The following AFF3 variants were observed in gnomAD, a reference collection of about 807,000 sequenced individuals.
AFF3 encodes the protein AF4/FMR2 family member 3.
In AFF3, 32 loss-of-function variants were observed where a neutral mutation model predicts 129.7. That is an observed-to-expected ratio of 0.25 (90% CI 0.19 to 0.33). The LOEUF (loss-of-function observed/expected upper bound fraction) is 0.33, where lower values mean the gene tolerates loss of function less well. Ranked by LOEUF, AFF3 falls within the 10% of genes least tolerant of loss-of-function variation. AFF3 has a pLI of 1.00. For synonymous variants in AFF3, 644 were observed against 635.4 expected (o/e 1.01, Z -0.20); for missense variants, 1,373 against 1,592.0 (o/e 0.86, Z 2.34).
At chr2:99,782,136 G>A (rs1221682522) in intron 8 of AFF3, among the ~76,000 whole-genome samples, 1 of 152,002 alleles carries the variant, frequency 6.6e-6, no homozygotes, top group African/African-American at 2.4e-5. Flanking sequence ...CCAATGTTTT[G>A]ATTTTCCATT....
chr2:100,017,509 C>G (rs1683232949), intron 4 of AFF3, among the ~76,000 whole-genome samples: 1 of 152,184 alleles, frequency 6.6e-6, no homozygotes, highest in Non-Finnish European at 1.5e-5. Flanking sequence ...TGTGCCATAA[C>G]CACTTCTGTA....
chr2:99,558,421 G>T (rs555125753), intron 22 of AFF3, among the ~76,000 whole-genome samples: 26 of 152,234 alleles, frequency 1.7e-4, no homozygotes, highest in African/African-American at 5.8e-4. Flanking sequence ...AGGAGTTCGA[G>T]ACCAGCATGA....
intron 8 of AFF3, among the ~76,000 whole-genome samples, chr2:99,835,105 A>G (rs906459192): frequency 6.6e-6 from 1 of 152,064 alleles, no homozygotes; most frequent in African/African-American, 2.4e-5. Flanking sequence ...CCGTAAGCGC[A>G]CCACCAAGCA....
intron 4 of AFF3, among the ~76,000 whole-genome samples, chr2:100,017,287 C>T (rs1181631037): frequency 1.3e-5 from 2 of 152,170 alleles, no homozygotes; most frequent in African/African-American, 2.4e-5. Flanking sequence ...CATTGGCTCA[C>T]CAGCACTCCT....
intron 8 of AFF3, among the ~76,000 whole-genome samples, chr2:99,796,395 CAA>C (rs1685561270): frequency 6.6e-6 from 1 of 152,134 alleles, no homozygotes. Flanking sequence ...GATTTTAACT[CAA>C]AAAGTTTCTT....
chr2:99,566,357 A>G (rs1675965847), intron 19 of AFF3, among the ~76,000 whole-genome samples: 1 of 152,088 alleles, frequency 6.6e-6, no homozygotes, highest in Non-Finnish European at 1.5e-5. Flanking sequence ...CAGCTTTGCT[A>G]AAATAGGACA....
intron 7 of AFF3, among the ~76,000 whole-genome samples, chr2:99,996,099 A>G (rs1356784778): frequency 6.6e-6 from 1 of 152,226 alleles, no homozygotes; most frequent in Non-Finnish European, 1.5e-5. Flanking sequence ...GATAACCAAC[A>G]AAAGGATTAT....
In AFF3 at chr2:99,663,383, A is replaced by G. The variant is rs370316456; in HGVS notation, c.1143+9155T>C. Reference sequence around the variant, plus strand: ...TGTGCTCAGAGCAACCTCACCTACAATCTTGGTATCTTGATGAAGCAAGGC... The same window carrying G: ...TGTGCTCAGAGCAACCTCACCTACAGTCTTGGTATCTTGATGAAGCAAGGC... On this transcript the variant is annotated intron_variant, in intron 12 of 24. Coordinates refer to ENST00000672756, the MANE Select transcript of AFF3 (RefSeq NM_001386135.1). Among the ~76,000 whole-genome samples, 21 of 152,286 alleles carry G rather than the reference A, an allele frequency of 1.4e-4. 1 individual carries two copies. The South Asian group carries it at 1.7e-3, about 12-fold the overall frequency.
chr2:99,783,473 C>T (rs932093180), intron 8 of AFF3, among the ~76,000 whole-genome samples: 2 of 152,232 alleles, frequency 1.3e-5, no homozygotes, highest in African/African-American at 4.8e-5. Flanking sequence ...CTCAGGAACT[C>T]TGGCCTCTCT....
intron 2 of AFF3, among the ~76,000 whole-genome samples, chr2:100,119,137 A>G (rs1158774872): frequency 6.6e-6 from 1 of 152,202 alleles, no homozygotes; most frequent in East Asian, 1.9e-4. Context: ...GTCTTAATGC[A>G]TACCTTCATG....
intron 4 of AFF3, among the ~76,000 whole-genome samples, chr2:100,043,721 C>T (rs896098743): frequency 1.3e-5 from 2 of 152,170 alleles, no homozygotes; most frequent in African/African-American, 2.4e-5. Context: ...AAATCTTTCT[C>T]TTTAATCACG....
intron 12 of AFF3, among the ~76,000 whole-genome samples, chr2:99,659,306 A>G (rs1408690360): frequency 2.0e-5 from 3 of 152,228 alleles, no homozygotes; most frequent in Non-Finnish European, 4.4e-5. Flanking sequence ...ACACATGCAT[A>G]CATGTGCCTG....
chr2:99,991,962 C>T (rs773761966), intron 7 of AFF3, among the ~76,000 whole-genome samples: 19 of 150,392 alleles, frequency 1.3e-4, no homozygotes, highest in Non-Finnish European at 2.8e-4. Flanking sequence ...TCAGTCTTGA[C>T]AGATTAAATG....
chr2:99,899,934 T>C (rs911455343), intron 7 of AFF3, among the ~76,000 whole-genome samples: 1 of 152,240 alleles, frequency 6.6e-6, no homozygotes. Context: ...AAAATCAGGA[T>C]GGTGTGCACT....
At chr2:100,082,024 A>G (rs1689080737) in intron 4 of AFF3, among the ~76,000 whole-genome samples, 1 of 152,142 alleles carries the variant, frequency 6.6e-6, no homozygotes, top group Admixed American at 6.5e-5. Flanking sequence ...AAAAATTTGT[A>G]TTGATAGTTC....
At chr2:99,642,090 G>A (rs1364651481) in intron 13 of AFF3, among the ~76,000 whole-genome samples, 1 of 152,242 alleles carries the variant, frequency 6.6e-6, no homozygotes, top group Non-Finnish European at 1.5e-5. Context: ...AATAGTTGGT[G>A]AAGACAGCAC....
chr2:99,911,104 G>T (rs1255327824), intron 7 of AFF3, among the ~76,000 whole-genome samples: 1 of 152,258 alleles, frequency 6.6e-6, no homozygotes, highest in African/African-American at 2.4e-5. Flanking sequence ...AGTCAGAGCT[G>T]CTAGGGTGTG....
intron 7 of AFF3, among the ~76,000 whole-genome samples, chr2:99,979,684 A>T (rs1679216147): frequency 6.6e-6 from 1 of 152,012 alleles, no homozygotes; most frequent in Admixed American, 6.6e-5. Context: ...GGGTCTCTTT[A>T]TGTTGGCCAG....
At chr2:99,862,450 C>A (rs538357127) in intron 7 of AFF3, among the ~76,000 whole-genome samples, 1 of 152,324 alleles carries the variant, frequency 6.6e-6, no homozygotes, top group East Asian at 1.9e-4. Flanking sequence ...CTTACTCCAG[C>A]CAAGAGGACT....
Sources: gnomAD v4.1 joint callset for allele counts (sites outside exome capture counted in the v4.1 genomes callset) on GRCh38, gnomAD v4.1.1 for gene constraint, MANE v1.5 for transcripts, NCBI Gene and HGNC (gene_info 2026-07-23, HGNC 2026-07-21) for gene names.